Variants in KHNYN observed in about 807,000 individuals in gnomAD.
The protein encoded by KHNYN is KH and NYN domain containing, also known as protein KHNYN.
KHNYN carries 42 observed loss-of-function variants against 62.7 expected under a neutral mutation model. The observed-to-expected ratio is 0.67, with a 90% confidence interval of 0.52 to 0.87. KHNYN has a LOEUF of 0.87. Ranked by LOEUF, KHNYN falls within the 40% of genes least tolerant of loss-of-function variation. The probability of loss-of-function intolerance (pLI) is 0.00; values close to 1 mark genes in which losing one functional copy is unlikely to be tolerated. For synonymous variants in KHNYN, 347 were observed against 345.6 expected (o/e 1.00, Z -0.04); for missense variants, 829 against 874.1 (o/e 0.95, Z 0.65).
chr14:24,434,899 G>C (rs2043182107), intron 5 of KHNYN, among the ~76,000 whole-genome samples: 2 of 152,308 alleles, frequency 1.3e-5, no homozygotes, highest in African/African-American at 4.8e-5. Flanking sequence ...TTCTTGACTA[G>C]AGAGCCGAAA....
In KHNYN at chr14:24,438,041, G is replaced by C. The variant is rs934467635; in HGVS notation, c.*756G>C. 1 of 152,604 alleles carries C rather than the reference G, an allele frequency of 6.6e-6. No homozygotes were observed. The highest frequency in any genetic ancestry group is 1.5e-5 in the Non-Finnish European group (1 of 68,040). 9.5% of individuals were successfully genotyped at this position (152,604 alleles called of 1,614,324 possible). ...AGAGATGTGGGTCCTTTGTCTCCAG[G>C]ATCCACACCCTAGATTTTAACACTG... On this transcript the variant is annotated 3_prime_UTR_variant, in exon 8 of 8. Coordinates refer to ENST00000553935, the MANE Select transcript of KHNYN (RefSeq NM_015299.3).
chr14:24,429,547 T>G (rs1252956425), upstream of KHNYN: 2 of 454,054 alleles, frequency 4.4e-6, no homozygotes, highest in African/African-American at 2.1e-5. Flanking sequence ...ATCTTTCCGT[T>G]TGTTGGAAGA....
At chr14:24,435,154 G>A (rs2043186360) in intron 5 of KHNYN, among the ~76,000 whole-genome samples, 1 of 152,220 alleles carries the variant, frequency 6.6e-6, no homozygotes, top group Non-Finnish European at 1.5e-5. Context: ...TGGTAATTCT[G>A]TTCCTTAGCA....
Position 24,430,809 on chromosome 14 carries a change from C to T in KHNYN, c.79C>T (p.Gln27Ter), listed in dbSNP as rs778835122. The change falls in exon 2 of 8, where the codon CAG becomes TAG. Residue 27 changes from glutamine to a stop codon, truncating the protein, a stop_gained. Coordinates refer to ENST00000553935, the MANE Select transcript of KHNYN (RefSeq NM_015299.3). LOFTEE classifies it high-confidence loss of function. ...SAEAENKVRE[Q>*]QPHVERIFSV... The stretch of plus-strand genomic sequence containing the variant: ...GGAGGCTGAGAACAAGGTTCGGGAA[C>T]AGCAGCCCCATGTGGAGCGCATCTT... 1.9e-6 allele frequency: 3 copies of T among 1,611,368 alleles called. No homozygotes were observed. The highest frequency in any genetic ancestry group is 1.3e-5 in the African/African-American group (1 of 74,916).
rs762103682 is a variant in KHNYN at position 24,431,521 on chromosome 14, A to G, written c.260A>G (p.Lys87Arg). ...ELQDEIHYPPKLHCIFLGAQG... is the reference protein window; with the variant it reads ...ELQDEIHYPPRLHCIFLGAQG... ...CAGGATGAAATCCACTACCCGCCCA[A>G]ACTGCACTGCATCTTTCTGGGAGCC... Residue 87 changes from lysine to arginine, a missense_variant, in exon 3 of 8, where the codon AAA (lysine) becomes AGA (arginine). Coordinates refer to ENST00000553935, the MANE Select transcript of KHNYN (RefSeq NM_015299.3). The G allele has an allele frequency of 5.0e-6, 8 of 1,607,026 alleles. No homozygotes were observed. In the African/African-American group the frequency reaches 8.0e-5, roughly 16 times the overall value.
chr14:24,436,988 T>C, intron 7 of KHNYN, 48 bp from the exon 8 acceptor site: 5 of 1,577,154 alleles, frequency 3.2e-6, no homozygotes, highest in Non-Finnish European at 2.6e-6. Flanking sequence ...AAGATCTAAT[T>C]TCCCCCCCAG....
chr14:24,428,210 C>A, upstream of KHNYN: 1 of 1,575,430 alleles, frequency 6.3e-7, no homozygotes, highest in Non-Finnish European at 8.6e-7. Flanking sequence ...AGAGTCCACC[C>A]GGAGGTCAGC....
rs375422080 is a variant in KHNYN at position 24,440,226 on chromosome 14, C to T, written c.*2941C>T. ...CGCCCAAAGACAGCTTGCACCACAG[C>T]GCTGGGGAGAGGGATGAAGGCTCGG... On this transcript the variant is annotated 3_prime_UTR_variant, in exon 8 of 8. Coordinates refer to ENST00000553935, the MANE Select transcript of KHNYN (RefSeq NM_015299.3). 174 of 1,613,964 alleles carry T rather than the reference C, an allele frequency of 1.1e-4. 1 individual carries two copies. In the South Asian group the frequency reaches 1.7e-3, roughly 16 times the overall value.
At chr14:24,430,977 TC>T (rs1433167608) in intron 2 of KHNYN, 46 bp downstream of exon 2, 2 of 1,558,030 alleles carry the variant, frequency 1.3e-6, no homozygotes, top group Non-Finnish European at 1.8e-6. Context: ...AAGGACGCTT[TC>T]CCCCAGGGCG....
chr14:24,428,611 G>T, upstream of KHNYN: 1 of 1,078,786 alleles, frequency 9.3e-7, no homozygotes, highest in Non-Finnish European at 1.3e-6. Context: ...CGTCGGTGGG[G>T]TGGTGGGGCA....
chr14:24,429,287 G>T, upstream of KHNYN: 1 of 696,654 alleles, frequency 1.4e-6, no homozygotes, highest in Non-Finnish European at 2.6e-6. Flanking sequence ...TTGGGCTTTG[G>T]GAGAGAAAGG....
intron 5 of KHNYN, among the ~76,000 whole-genome samples, chr14:24,433,737 G>C (rs1373426724): frequency 6.6e-6 from 1 of 152,334 alleles, no homozygotes; most frequent in East Asian, 1.9e-4. Flanking sequence ...ACTCAAGTGT[G>C]GCAGCGGGTA....
Position 24,439,982 on chromosome 14 carries a change from A to G in KHNYN, c.*2697A>G. 4.2e-6 allele frequency: 4 copies of G among 959,704 alleles called. No individual in the cohort carries two copies. Among genetic ancestry groups the G allele is most frequent in the Non-Finnish European group, 6.1e-6 (4 of 657,034 alleles). The allele number at this position is 959,704 out of a possible 1,614,324, so 59.4% of individuals were successfully genotyped here. On this transcript the variant is annotated 3_prime_UTR_variant, in exon 8 of 8. Coordinates refer to ENST00000553935, the MANE Select transcript of KHNYN (RefSeq NM_015299.3). The stretch of plus-strand genomic sequence containing the variant: ...GAAAGAGGACTGGGAGAGGAATCTA[A>G]GAACCAGATGGCTTCAGCTCTCTAG...
At position 24,441,798 on chromosome 14, in the gene KHNYN, G is replaced by A. The variant is rs2043350125; in HGVS notation, c.*4513G>A. On this transcript the variant is annotated 3_prime_UTR_variant, in exon 8 of 8. Coordinates refer to ENST00000553935, the MANE Select transcript of KHNYN (RefSeq NM_015299.3). ...CTTTTTGGAAGGTTTCATTCCATCTGCAGGAGAAACATGGGAAATAAAAAG... is the reference window on the plus strand; with the variant it reads ...CTTTTTGGAAGGTTTCATTCCATCTACAGGAGAAACATGGGAAATAAAAAG... The A allele has an allele frequency of 1.9e-6, 3 of 1,605,126 alleles. No homozygotes were observed. The highest frequency in any genetic ancestry group is 2.5e-6 in the Non-Finnish European group (3 of 1,176,730).
rs776272666 is a variant in KHNYN, at chr14:24,430,717, T to G, written c.-14T>G. 1 of 1,554,534 alleles carries G rather than the reference T, an allele frequency of 6.4e-7. No homozygotes were observed. Among genetic ancestry groups the G allele is most frequent in the East Asian group, 2.4e-5 (1 of 41,214 alleles). On this transcript the variant is annotated 5_prime_UTR_variant, in exon 2 of 8. Coordinates refer to ENST00000553935, the MANE Select transcript of KHNYN (RefSeq NM_015299.3). ...GAGCTGCCTTCTCCCCTTCCAGGGC[T>G]GGGGGCAGCAGCCATGCCTACCTGG... is the stretch of plus-strand genomic sequence containing the variant.
chr14:24,434,403 A>AT (rs894061716), intron 5 of KHNYN: 64 of 975,614 alleles, frequency 6.6e-5, no homozygotes, highest in South Asian at 1.4e-4. Context: ...GTACCATATA[A>AT]TTTTTTTTTG....
rs1193839120 is a variant in KHNYN at position 24,432,689 on chromosome 14, GCC to G, written c.1350-30_1350-29del. On this transcript the variant is annotated intron_variant, in intron 3 of 7. Coordinates refer to ENST00000553935, the MANE Select transcript of KHNYN (RefSeq NM_015299.3). The surrounding 1 kb of genome is among the most constrained non-coding windows in gnomAD (Gnocchi z 5.6). ...GCTGGCATTGTAGCCAGGGTGCCAAGCCCCTCCTCTGGCCGACCCCCTCCCAC... is the reference window on the plus strand; with the variant it reads ...GCTGGCATTGTAGCCAGGGTGCCAAGCCTCCTCTGGCCGACCCCCTCCCAC... The G allele has an allele frequency of 3.1e-6, 5 of 1,613,946 alleles. No individual in the cohort carries two copies. The highest frequency in any genetic ancestry group is 4.2e-6 in the Non-Finnish European group (5 of 1,179,978).
rs2043329749 is a variant in KHNYN at position 24,441,236 on chromosome 14, T to G, written c.*3951T>G. 1 of 485,490 alleles carries G rather than the reference T, an allele frequency of 2.1e-6. No individual in the cohort carries two copies. The highest frequency in any genetic ancestry group is 1.9e-5 in the African/African-American group (1 of 51,472). The allele number at this position is 485,490 out of a possible 1,614,324, so 30.1% of individuals were successfully genotyped here. A position where few individuals can be genotyped will look rare whatever the true frequency, so the allele number is the denominator to read the frequency against. Reference sequence around the variant, plus strand: ...AACTCTCTGACTTGATGCAAGTTACTTAACCTCTCTGTATAGAATTTTCAC... The same window carrying G: ...AACTCTCTGACTTGATGCAAGTTACGTAACCTCTCTGTATAGAATTTTCAC... On this transcript the variant is annotated 3_prime_UTR_variant, in exon 8 of 8. Coordinates refer to ENST00000553935, the MANE Select transcript of KHNYN (RefSeq NM_015299.3).
At chr14:24,423,559 C>T in the KHNYN span, among the ~76,000 whole-genome samples, 16 of 152,144 alleles carry the variant, frequency 1.1e-4, no homozygotes, top group South Asian at 2.1e-4. Flanking sequence ...GGCTGTCTGC[C>T]GCTGACCATG....
Sources: allele counts gnomAD v4.1 joint callset (sites outside exome capture counted in the v4.1 genomes callset), GRCh38; gene constraint gnomAD v4.1.1; non-coding constraint Gnocchi (gnomAD v3.1); transcripts MANE v1.5; gene names NCBI Gene and HGNC (gene_info 2026-07-23, HGNC 2026-07-21).